Variants in LIPC observed in about 807,000 individuals in gnomAD.
The protein encoded by LIPC is lipase C, hepatic type.
In LIPC, 44 loss-of-function variants were observed where a neutral mutation model predicts 50.7. That is an observed-to-expected ratio of 0.87 (90% CI 0.68 to 1.11). LIPC has a LOEUF of 1.11. Among genes scored for constraint, LIPC ranks in the 50% most tolerant of loss-of-function variants. The pLI is 0.00. For synonymous variants in LIPC, 271 were observed against 256.4 expected (o/e 1.06, Z -0.54); for missense variants, 697 against 648.2 (o/e 1.08, Z -0.82).
In LIPC at chr15:58,506,277, A is replaced by G. The variant is rs747164571; in HGVS notation, c.89-32056A>G. 3.5e-4 allele frequency among the ~76,000 whole-genome samples: 53 copies of G among 152,222 alleles called. 1 individual carries two copies. The Middle Eastern group carries it at 0.01, about 29-fold the overall frequency. On this transcript the variant is annotated intron_variant, in intron 1 of 8. Coordinates refer to ENST00000299022, the MANE Select transcript of LIPC (RefSeq NM_000236.3). ...GCAAGGGTGTTGTTTTGCTCCTTCCATAGATCTCTGAAGCCACAGCTATGC... is the reference window on the plus strand; with the variant it reads ...GCAAGGGTGTTGTTTTGCTCCTTCCGTAGATCTCTGAAGCCACAGCTATGC...
chr15:58,445,911 C>T (rs1485275205), intron 1 of LIPC, among the ~76,000 whole-genome samples: 2 of 152,232 alleles, frequency 1.3e-5, no homozygotes, highest in African/African-American at 4.8e-5. Context: ...ATATAATACT[C>T]ACCCGATTCA....
At chr15:58,505,447 A>C (rs1260176442) in intron 1 of LIPC, among the ~76,000 whole-genome samples, 1 of 152,214 alleles carries the variant, frequency 6.6e-6, no homozygotes, top group Non-Finnish European at 1.5e-5. Context: ...GGCTCAACAC[A>C]AAGTGTGCTC....
At chr15:58,533,691 A>G (rs1423336715) in intron 1 of LIPC, among the ~76,000 whole-genome samples, 1 of 152,230 alleles carries the variant, frequency 6.6e-6, no homozygotes, top group Non-Finnish European at 1.5e-5. Context: ...CCATTTATGT[A>G]ACATGATCTC....
intron 1 of LIPC, among the ~76,000 whole-genome samples, chr15:58,529,884 T>C (rs1892905826): frequency 6.6e-6 from 1 of 152,176 alleles, no homozygotes. Context: ...CCCTGGTCCT[T>C]GGGGAGCAGT....
chr15:58,462,634 G>A (rs1290654060), intron 1 of LIPC, among the ~76,000 whole-genome samples: 3 of 152,200 alleles, frequency 2.0e-5, no homozygotes, highest in South Asian at 2.1e-4. Flanking sequence ...CAGCATGAGA[G>A]GAACCAAAGC....
chr15:58,507,798 A>G (rs1215469064), intron 1 of LIPC, among the ~76,000 whole-genome samples: 4 of 152,242 alleles, frequency 2.6e-5, no homozygotes, highest in Non-Finnish European at 5.9e-5. Flanking sequence ...CATGTCTAGC[A>G]CTGGAGGATC....
chr15:58,481,975 C>T (rs529857223), intron 1 of LIPC, among the ~76,000 whole-genome samples: 5 of 152,340 alleles, frequency 3.3e-5, no homozygotes, highest in East Asian at 1.9e-4. Flanking sequence ...ACAATAGCAA[C>T]GGCTGACTTG....
At chr15:58,552,533 C>T (rs1357546949) in intron 6 of LIPC, among the ~76,000 whole-genome samples, 1 of 152,208 alleles carries the variant, frequency 6.6e-6, no homozygotes, top group Non-Finnish European at 1.5e-5. Flanking sequence ...TGCCCTTCCC[C>T]CTCCCCCGCC....
chr15:58,531,642 A>AAC (rs1892963790), intron 1 of LIPC, among the ~76,000 whole-genome samples: 1 of 151,124 alleles, frequency 6.6e-6, no homozygotes, highest in East Asian at 1.9e-4. Flanking sequence ...AAAAAAAAAA[A>AAC]AACCCCAGAA....
At chr15:58,463,286 T>A (rs1272837197) in intron 1 of LIPC, among the ~76,000 whole-genome samples, 1 of 152,224 alleles carries the variant, frequency 6.6e-6, no homozygotes, top group Non-Finnish European at 1.5e-5. Context: ...GCAAAGAATG[T>A]TGGTAGGGCC....
Position 58,567,371 on chromosome 15 carries a change from A to G in LIPC, c.1389-1345A>G, listed in dbSNP as rs1486121420. Among the ~76,000 whole-genome samples the G allele has an allele frequency of 3.1e-5, 4 of 130,274 alleles. No homozygotes were observed. In the East Asian group the frequency reaches 6.5e-4, roughly 21 times the overall value. 85.5% of individuals were successfully genotyped at this position (130,274 alleles called of 152,430 possible). A position where few individuals can be genotyped will look rare whatever the true frequency, so the allele number is the denominator to read the frequency against. The stretch of plus-strand genomic sequence containing the variant: ...TATATATATATATGTATATGTATAT[A>G]TATATATAGTGAACAGACAGAGTCC... On this transcript the variant is annotated intron_variant, in intron 8 of 8. Transcript: ENST00000299022.
At chr15:58,536,994 G>C (rs754474676) in intron 1 of LIPC, among the ~76,000 whole-genome samples, 2 of 152,162 alleles carry the variant, frequency 1.3e-5, no homozygotes, top group Non-Finnish European at 2.9e-5. Context: ...TTCTCAGAAA[G>C]AATGATCAGG....
At chr15:58,494,659 A>G (rs1891705251) in intron 1 of LIPC, 1 of 427,482 alleles carries the variant, frequency 2.3e-6, no homozygotes. Context: ...ATCAGTGCCA[A>G]TGTATATTTC....
chr15:58,444,102 A>T (rs1239450734), intron 1 of LIPC, among the ~76,000 whole-genome samples: 1 of 152,166 alleles, frequency 6.6e-6, no homozygotes, highest in Non-Finnish European at 1.5e-5. Flanking sequence ...CAGAGGCCTG[A>T]CAGTCTCCTT....
intron 6 of LIPC, among the ~76,000 whole-genome samples, chr15:58,554,634 C>T (rs1356385175): frequency 6.6e-6 from 1 of 151,762 alleles, no homozygotes; most frequent in Non-Finnish European, 1.5e-5. Flanking sequence ...GCGGCTCACA[C>T]CTGTAATCCT....
chr15:58,492,727 A>G (rs1012946444), intron 1 of LIPC, among the ~76,000 whole-genome samples: 9 of 151,952 alleles, frequency 5.9e-5, no homozygotes, highest in Admixed American at 1.3e-4. Context: ...GAATTCCTCT[A>G]TTTTTGTTTT....
intron 6 of LIPC, among the ~76,000 whole-genome samples, chr15:58,557,582 T>C (rs1021803566): frequency 7.2e-5 from 11 of 151,964 alleles, no homozygotes; most frequent in African/African-American, 2.2e-4. Context: ...GAACGGGGTT[T>C]CACCGTGTTA....
intron 1 of LIPC, among the ~76,000 whole-genome samples, chr15:58,519,993 A>G (rs1892604654): frequency 6.6e-6 from 1 of 152,174 alleles, no homozygotes; most frequent in Admixed American, 6.5e-5. Context: ...AAACAAATGC[A>G]AGGGTGCGTA....
Position 58,563,577 on chromosome 15 carries a change from C to T in LIPC, c.1242C>T (p.Ile414=), listed in dbSNP as rs1894245461. The T allele has an allele frequency of 6.2e-7, 1 of 1,614,028 alleles. No individual in the cohort carries two copies. Among genetic ancestry groups the T allele is most frequent in the Admixed American group, 1.7e-5 (1 of 60,008 alleles). ...ITLDVDIGEL[I]MIKFKWENSA... Reference sequence around the variant, plus strand: ...TGGATGTGGATATCGGCGAGCTGATCATGATCAAGTTCAAGTGGGAAAACA... The same window carrying T: ...TGGATGTGGATATCGGCGAGCTGATTATGATCAAGTTCAAGTGGGAAAACA... The change falls in exon 8 of 9, where the codon ATC becomes ATT. Residue 414 remains isoleucine (I), a synonymous_variant. Coordinates refer to ENST00000299022, the MANE Select transcript of LIPC (RefSeq NM_000236.3).
Sources: gnomAD v4.1 joint callset for allele counts (sites outside exome capture counted in the v4.1 genomes callset) on GRCh38, gnomAD v4.1.1 for gene constraint, MANE v1.5 for transcripts, NCBI Gene and HGNC (gene_info 2026-07-23, HGNC 2026-07-21) for gene names.